The following RBFOX1 variants were observed in gnomAD, a reference collection of about 807,000 sequenced individuals.
RBFOX1 encodes RNA binding protein fox-1 homolog 1.
A neutral mutation model predicts 57.7 loss-of-function variants in RBFOX1; 8 were observed. The observed-to-expected ratio is 0.14, with a 90% CI of 0.08 to 0.25. The LOEUF (loss-of-function observed/expected upper bound fraction) is 0.25, where lower values mean the gene tolerates loss of function less well. Ranked by LOEUF, RBFOX1 falls within the 10% of genes least tolerant of loss-of-function variation. RBFOX1 has a pLI of 1.00. For missense variants in RBFOX1, 611 were observed against 548.5 expected, an observed-to-expected ratio of 1.11 and a Z score of -1.14; for synonymous variants, 326 against 222.4, an observed-to-expected ratio of 1.47 and a Z score of -4.15.
At chr16:7,448,656 T>C (rs2150125781) in intron 4 of RBFOX1, among the ~76,000 whole-genome samples, 1 of 152,166 alleles carries the variant, frequency 6.6e-6, no homozygotes, top group African/African-American at 2.4e-5. Flanking sequence ...TAGCAAAGGA[T>C]TTGTTCTTTG....
chr16:7,637,218 G>A (rs548412302), intron 11 of RBFOX1, among the ~76,000 whole-genome samples: 4 of 149,724 alleles, frequency 2.7e-5, no homozygotes, highest in Non-Finnish European at 5.9e-5. Context: ...AAAGTTAATA[G>A]AAGATTAATT....
intron 4 of RBFOX1, among the ~76,000 whole-genome samples, chr16:7,159,207 A>C (rs9937467): frequency 0.13 from 20,220 of 152,054 alleles, 1,404 homozygotes; most frequent in South Asian, 0.19. Flanking sequence ...TGATTGTCTT[A>C]GATTGCTGAG....
chr16:5,658,861 G>A (rs1050422367), intron 3 of RBFOX1, among the ~76,000 whole-genome samples: 2 of 142,906 alleles, frequency 1.4e-5, no homozygotes, highest in Non-Finnish European at 3.0e-5. Flanking sequence ...ATATATATGT[G>A]TGTGTATATG....
intron 1 of RBFOX1, among the ~76,000 whole-genome samples, chr16:5,440,710 A>G (rs1278855797): frequency 6.6e-6 from 1 of 152,174 alleles, no homozygotes; most frequent in East Asian, 1.9e-4. Flanking sequence ...GAAGCTGAGT[A>G]TATATTTTAC....
intron 3 of RBFOX1, among the ~76,000 whole-genome samples, chr16:6,671,081 C>T (rs992711763): frequency 3.9e-5 from 6 of 152,180 alleles, no homozygotes; most frequent in Non-Finnish European, 5.9e-5. Context: ...AGTACTCATA[C>T]GTATGAACAA....
At chr16:6,485,725 C>A (rs2095464994) in intron 2 of RBFOX1, among the ~76,000 whole-genome samples, 1 of 152,082 alleles carries the variant, frequency 6.6e-6, no homozygotes, top group Non-Finnish European at 1.5e-5. Context: ...TTTCTGTTAC[C>A]CCAAATTGAG....
intron 1 of RBFOX1, among the ~76,000 whole-genome samples, chr16:6,102,134 T>G (rs2096317987): frequency 6.7e-6 from 1 of 149,248 alleles, no homozygotes; most frequent in East Asian, 2.0e-4. Flanking sequence ...AGTATGAGTT[T>G]CGGCCTGAAG....
intron 2 of RBFOX1, among the ~76,000 whole-genome samples, chr16:5,537,540 A>C (rs1328880499): frequency 6.6e-6 from 1 of 152,128 alleles, no homozygotes; most frequent in South Asian, 2.1e-4. Context: ...CCTTGCTTAT[A>C]TGTGTTGTTG....
chr16:5,467,240 C>A (rs920163436), exon 2 of RBFOX1: 2 of 1,501,232 alleles, frequency 1.3e-6, no homozygotes, highest in Non-Finnish European at 1.8e-6. Context: ...GCCATACAGC[C>A]TGGTTGAGGG....
chr16:6,150,936 C>T (rs1186768747), intron 1 of RBFOX1, among the ~76,000 whole-genome samples: 1 of 152,188 alleles, frequency 6.6e-6, no homozygotes, highest in Non-Finnish European at 1.5e-5. Context: ...GGGCGCCCTA[C>T]ATTTGTGCTA....
chr16:5,346,863 C>T (rs1395467002), intron 1 of RBFOX1, among the ~76,000 whole-genome samples: 2 of 152,318 alleles, frequency 1.3e-5, no homozygotes, highest in African/African-American at 4.8e-5. Context: ...CAGCACCTCC[C>T]TCAAGAGCTG....
chr16:6,065,086 G>A lies in RBFOX1; in HGVS notation c.-127+45094G>A, dbSNP rs1029339744. ...TCTGTCACCCAGGCTAGAGTATAATGGTGTGATCCTGGCTTACTGCAGCCT... is the reference window on the plus strand; with the variant it reads ...TCTGTCACCCAGGCTAGAGTATAATAGTGTGATCCTGGCTTACTGCAGCCT... On this transcript the variant is annotated intron_variant, in intron 1 of 15. Coordinates refer to ENST00000550418, the MANE Select transcript of RBFOX1 (RefSeq NM_018723.4). 5.3e-5 allele frequency among the ~76,000 whole-genome samples: 8 copies of A among 150,646 alleles called. No individual in the cohort carries two copies. In the East Asian group the frequency reaches 1.6e-3, roughly 29 times the overall value.
chr16:6,670,905 C>A (rs1687896946), intron 3 of RBFOX1, among the ~76,000 whole-genome samples: 1 of 152,058 alleles, frequency 6.6e-6, no homozygotes, highest in African/African-American at 2.4e-5. Context: ...GAGGCTGAGG[C>A]AGGAGAGAGG....
At chr16:6,859,014 G>A (rs1456845653) in intron 3 of RBFOX1, among the ~76,000 whole-genome samples, 1 of 150,508 alleles carries the variant, frequency 6.6e-6, no homozygotes, top group East Asian at 1.9e-4. Context: ...ACAGGGATGT[G>A]TACCTGTTTA....
At chr16:5,618,384 C>T (rs1267128435) in intron 3 of RBFOX1, among the ~76,000 whole-genome samples, 1 of 152,002 alleles carries the variant, frequency 6.6e-6, no homozygotes, top group African/African-American at 2.4e-5. Context: ...GTCACCCAGG[C>T]TGCAGTGCAG....
chr16:5,401,453 G>C (rs1177529981), intron 1 of RBFOX1, among the ~76,000 whole-genome samples: 2 of 152,120 alleles, frequency 1.3e-5, no homozygotes, highest in Admixed American at 6.5e-5. Context: ...TAATGTGCTG[G>C]AACAACTGCA....
chr16:6,932,943 T>C lies in RBFOX1; in HGVS notation c.-15-119114T>C, dbSNP rs547475186. On this transcript the variant is annotated intron_variant, in intron 3 of 15. Transcript: ENST00000550418. ...CTGGCAACTACTATTCTCCTTTCTG[T>C]CTTTATGAACTTGACTGCTCTAGTA... 1.9e-3 allele frequency among the ~76,000 whole-genome samples: 285 copies of C among 152,324 alleles called. 2 individuals are homozygous for C. The highest frequency in any genetic ancestry group is 3.8e-3 in the Non-Finnish European group (256 of 68,034).
chr16:6,852,784 A>G (rs533247715), intron 3 of RBFOX1, among the ~76,000 whole-genome samples: 9 of 151,990 alleles, frequency 5.9e-5, no homozygotes, highest in African/African-American at 1.4e-4. Context: ...GGAGAGGTAC[A>G]TGCTGGGAAC....
chr16:6,604,836 T>C (rs2154014676), intron 2 of RBFOX1, among the ~76,000 whole-genome samples: 1 of 152,262 alleles, frequency 6.6e-6, no homozygotes, highest in Admixed American at 6.5e-5. Context: ...AATAGATGAC[T>C]TCATAAAAAG....
Sources: allele counts gnomAD v4.1 joint callset (sites outside exome capture counted in the v4.1 genomes callset), GRCh38; gene constraint gnomAD v4.1.1; transcripts MANE v1.5; gene names NCBI Gene and HGNC (gene_info 2026-07-23, HGNC 2026-07-21).